Variants in CDH4 observed in about 807,000 individuals in gnomAD.
CDH4 encodes the protein cadherin 4.
Under a neutral mutation model 86.0 loss-of-function variants are expected in CDH4, and 33 were observed. The observed-to-expected ratio is 0.38, with a 90% confidence interval of 0.29 to 0.51. The LOEUF (loss-of-function observed/expected upper bound fraction) is 0.51. Ranked by LOEUF, CDH4 falls within the 20% of genes least tolerant of loss-of-function variation. The pLI, the probability that CDH4 is intolerant of heterozygous loss-of-function variation, is 0.86. For synonymous variants in CDH4, 555 were observed against 549.4 expected (o/e 1.01, Z -0.14); for missense variants, 1,114 against 1,307.4 (o/e 0.85, Z 2.28).
At chr20:61,898,524 G>A (rs1216678295) in intron 8 of CDH4, among the ~76,000 whole-genome samples, 10 of 152,086 alleles carry the variant, frequency 6.6e-5, no homozygotes. Flanking sequence ...AAGTTCTCAG[G>A]GACAGGTCCA....
intron 2 of CDH4, among the ~76,000 whole-genome samples, chr20:61,366,019 G>T (rs2084809294): frequency 1.3e-5 from 2 of 152,196 alleles, no homozygotes; most frequent in Non-Finnish European, 2.9e-5. Context: ...CAGCACCAGA[G>T]CCCAAGTTTT....
At chr20:61,336,145 C>T (rs2084615862) in intron 2 of CDH4, among the ~76,000 whole-genome samples, 1 of 152,162 alleles carries the variant, frequency 6.6e-6, no homozygotes, top group Non-Finnish European at 1.5e-5. Context: ...CTTAGAGTGC[C>T]TTCTCTCCAT....
chr20:61,419,810 C>T (rs1460585865), intron 2 of CDH4, among the ~76,000 whole-genome samples: 3 of 152,202 alleles, frequency 2.0e-5, no homozygotes, highest in Non-Finnish European at 4.4e-5. Flanking sequence ...TGGACAGCCC[C>T]GTGGCTGGCA....
At position 61,553,300 on chromosome 20, in the gene CDH4, G is replaced by C. The variant is rs75631059; in HGVS notation, c.170-190263G>C. Among the ~76,000 whole-genome samples, 230 of 152,340 alleles carry C rather than the reference G, an allele frequency of 1.5e-3. 1 individual carries two copies. The highest frequency in any genetic ancestry group is 5.1e-3 in the African/African-American group (214 of 41,572). Reference sequence around the variant, plus strand: ...TAAGGAGAAGGGGAAAATGGACAGAGACACTAATGGGTGCAGGGTTTCTTT... The same window carrying C: ...TAAGGAGAAGGGGAAAATGGACAGACACACTAATGGGTGCAGGGTTTCTTT... On this transcript the variant is annotated intron_variant, in intron 2 of 15. Transcript: ENST00000614565.
intron 2 of CDH4, among the ~76,000 whole-genome samples, chr20:61,372,279 T>C (rs1600910961): frequency 6.6e-6 from 1 of 152,184 alleles, no homozygotes; most frequent in South Asian, 2.1e-4. Context: ...CATGGGTCTG[T>C]CCCATGCAGG....
At chr20:61,929,565 G>A (rs752389057) in intron 12 of CDH4, 44 bp from the exon 13 acceptor site, 100 of 1,485,356 alleles carry the variant, frequency 6.7e-5, no homozygotes, top group South Asian at 1.4e-4. Flanking sequence ...GCTTGGAAGC[G>A]AGGGCCGGGC....
chr20:61,765,190 T>G (rs1158084036), intron 3 of CDH4, among the ~76,000 whole-genome samples: 1 of 151,980 alleles, frequency 6.6e-6, no homozygotes, highest in African/African-American at 2.4e-5. Flanking sequence ...CTAGACAAGT[T>G]CATCTGCTGC....
intron 2 of CDH4, among the ~76,000 whole-genome samples, chr20:61,388,210 TG>T (rs2084962600): frequency 2.7e-5 from 4 of 150,452 alleles, no homozygotes; most frequent in Non-Finnish European, 4.4e-5. Context: ...AGGCAAGGGC[TG>T]TGCAGCTGTC....
intron 2 of CDH4, among the ~76,000 whole-genome samples, chr20:61,461,627 G>A (rs576743786): frequency 6.6e-6 from 1 of 152,110 alleles, no homozygotes; most frequent in African/African-American, 2.4e-5. Context: ...GCCCGCAACG[G>A]GGGAGTGAGG....
At chr20:61,358,312 A>G (rs1182917205) in intron 2 of CDH4, among the ~76,000 whole-genome samples, 3 of 152,172 alleles carry the variant, frequency 2.0e-5, no homozygotes, top group African/African-American at 7.2e-5. Flanking sequence ...CCGAGGCACC[A>G]AGCCTTGTGC....
intron 2 of CDH4, among the ~76,000 whole-genome samples, chr20:61,691,092 A>G (rs1474165323): frequency 6.6e-6 from 1 of 152,094 alleles, no homozygotes; most frequent in Non-Finnish European, 1.5e-5. Context: ...CCGGAAGTGC[A>G]TGGCCACCGA....
intron 4 of CDH4, among the ~76,000 whole-genome samples, chr20:61,796,965 C>T (rs977816863): frequency 1.3e-5 from 2 of 152,174 alleles, no homozygotes; most frequent in South Asian, 2.1e-4. Flanking sequence ...TGCTTGGGAG[C>T]GCCATACAGC....
chr20:61,844,357 G>A (rs1163927071), intron 4 of CDH4, among the ~76,000 whole-genome samples: 12 of 151,962 alleles, frequency 7.9e-5, no homozygotes, highest in Admixed American at 7.2e-4. Flanking sequence ...GTCAGAACAC[G>A]AGGCCATTTT....
chr20:61,361,567 G>C (rs1182099677), intron 2 of CDH4, among the ~76,000 whole-genome samples: 1 of 152,188 alleles, frequency 6.6e-6, no homozygotes, highest in Non-Finnish European at 1.5e-5. Flanking sequence ...GTTCCGAAAA[G>C]GAAGATGCTC....
intron 2 of CDH4, among the ~76,000 whole-genome samples, chr20:61,598,662 T>C (rs539077010): frequency 3.9e-5 from 6 of 152,294 alleles, no homozygotes; most frequent in African/African-American, 1.4e-4. Context: ...AGTTTTCCTG[T>C]AGAACGGGGA....
chr20:61,686,458 T>TGG (rs2087575818), intron 2 of CDH4, among the ~76,000 whole-genome samples: 1 of 151,312 alleles, frequency 6.6e-6, no homozygotes, highest in Admixed American at 6.6e-5. Context: ...CATTCGTGTG[T>TGG]GTGCATTTGC....
At chr20:61,304,937 A>C (rs1249277888) in intron 2 of CDH4, among the ~76,000 whole-genome samples, 1 of 140,886 alleles carries the variant, frequency 7.1e-6, no homozygotes, top group African/African-American at 2.7e-5. Context: ...CATGCAGTGT[A>C]TGTGTTGTAT....
At position 61,681,690 on chromosome 20, in the gene CDH4, T is replaced by C. The variant is rs77778783; in HGVS notation, c.170-61873T>C. ...GTGCTGCAGAGCCCCTAAAGAGCTT[T>C]CTGGGCATCGGGAAAGTCCGGGCTC... On this transcript the variant is annotated intron_variant, in intron 2 of 15. Transcript: ENST00000614565. This position sits in a 1 kb window ranked among gnomAD's most constrained non-coding sequence, Gnocchi z 4.5. 0.036 allele frequency among the ~76,000 whole-genome samples: 5,554 copies of C among 152,276 alleles called. 184 individuals carry two copies. The highest frequency in any genetic ancestry group is 0.082 in the Middle Eastern group (24 of 294).
At chr20:61,924,083 G>T (rs899547188) in intron 10 of CDH4, among the ~76,000 whole-genome samples, 11 of 150,984 alleles carry the variant, frequency 7.3e-5, no homozygotes, top group African/African-American at 2.7e-4. Flanking sequence ...TGTGAGTTGA[G>T]ACCACCCACT....
Sources: gnomAD v4.1 joint callset for allele counts (sites outside exome capture counted in the v4.1 genomes callset) on GRCh38, gnomAD v4.1.1 for gene constraint, Gnocchi (gnomAD v3.1) non-coding constraint, MANE v1.5 for transcripts, NCBI Gene and HGNC (gene_info 2026-07-23, HGNC 2026-07-21) for gene names.